Variants in TLE2 observed in about 807,000 individuals in gnomAD.
The protein encoded by TLE2 is transducin-like enhancer protein 2.
In TLE2, 74 loss-of-function variants were observed where a neutral mutation model predicts 97.2. The ratio of observed to expected loss-of-function variants is 0.76; its 90% CI spans 0.63 to 0.92. TLE2 has a LOEUF of 0.92. Among genes scored for constraint, TLE2 ranks in the 40% least tolerant of loss-of-function variants. TLE2 has a pLI of 0.00. For synonymous variants in TLE2, 499 were observed against 432.1 expected, an observed-to-expected ratio of 1.15 and a Z score of -1.92; for missense variants, 1,038 against 1,008.7, an observed-to-expected ratio of 1.03 and a Z score of -0.39.
intron 19 of TLE2, among the ~76,000 whole-genome samples, chr19:2,999,947 C>T (rs1481594084): frequency 3.4e-5 from 5 of 148,376 alleles, no homozygotes; most frequent in African/African-American, 9.9e-5. Context: ...GCAGGAGAAT[C>T]GATTGAACCC....
At chr19:3,025,813 A>G (rs2089933772) in intron 4 of TLE2, among the ~76,000 whole-genome samples, 1 of 147,638 alleles carries the variant, frequency 6.8e-6, no homozygotes, top group African/African-American at 2.6e-5. Context: ...CCCGCACCCC[A>G]TAAAGGGGGG....
chr19:3,047,227 C>G (rs2090150792), upstream of TLE2, among the ~76,000 whole-genome samples: 2 of 133,506 alleles, frequency 1.5e-5, no homozygotes. Flanking sequence ...GCCCATTAGC[C>G]GATCAATTAG....
intron 12 of TLE2, 120 bp downstream of exon 12, chr19:3,010,902 G>C (rs1211231964): frequency 7.3e-7 from 1 of 1,369,916 alleles, no homozygotes. Flanking sequence ...GTCACAAAAA[G>C]GACCAAGGCA....
At chr19:3,043,624 C>T (rs2090120776) in intron 1 of TLE2, among the ~76,000 whole-genome samples, 2 of 147,084 alleles carry the variant, frequency 1.4e-5, no homozygotes, top group African/African-American at 5.2e-5. Flanking sequence ...ATGGTGAAAC[C>T]CCGTCTCTAC....
upstream of TLE2, chr19:3,029,561 G>GGAGA (rs1050241432): frequency 2.5e-6 from 2 of 812,998 alleles, no homozygotes; most frequent in African/African-American, 4.1e-5. Flanking sequence ...GTGGGAGCGG[G>GGAGA]GGGGGGGGCT....
chr19:3,030,206 G>A (rs182843267), upstream of TLE2, among the ~76,000 whole-genome samples: 7 of 152,278 alleles, frequency 4.6e-5, no homozygotes, highest in South Asian at 4.1e-4. Context: ...CCAGTGGACT[G>A]GGCTGTCTCC....
At position 3,015,662 on chromosome 19, in the gene TLE2, T is replaced by G. The variant is rs1410534723; in HGVS notation, c.669A>C (p.Ser223=). 1.9e-6 allele frequency: 3 copies of G among 1,608,194 alleles called. No homozygotes were observed. The South Asian group carries it at 3.3e-5, about 18-fold the overall frequency. Residue 223 remains serine, a synonymous_variant, in exon 9 of 20, where the codon TCA becomes TCC. Transcript: ENST00000262953. ...ACCTGCCCCCACTCACATAAGGTCC[T>G]GATGGCTCCTTCTCATCTGCTCTCT... The part of the protein sequence containing the change: ...GKQRADEKEP[S]GPYESDEDKS...
intron 14 of TLE2, 123 bp from the exon 15 acceptor site, chr19:3,006,792 T>C (rs529410812): frequency 5.0e-4 from 706 of 1,404,452 alleles, no homozygotes; most frequent in Non-Finnish European, 6.4e-4. Context: ...ATTTTTTGTT[T>C]TGTTTTTTGA....
rs1396247740 is a variant in TLE2, at chr19:3,009,609, C to T, written c.1106G>A (p.Ser369Asn). 1.2e-6 allele frequency: 2 copies of T among 1,613,274 alleles called. No homozygotes were observed. Among genetic ancestry groups the T allele is most frequent in the Non-Finnish European group, 1.7e-6 (2 of 1,179,708 alleles). The change falls in exon 13 of 20, where the codon AGC becomes AAC. Residue 369 changes from serine (S) to asparagine (N), a missense_variant. By Grantham distance (46) the Ser-to-Asn change is conservative. Transcript: ENST00000262953. The part of the protein sequence containing the change: ...STLNGDLSVP[S>N]SYVSLHLSPQ... ...GGACAGGTGGAGGCTGACGTAGGAG[C>T]TGGGCACGGAGAGGTCTCCGTTGAG...
Position 3,008,439 on chromosome 19 carries a change from A to G in TLE2, c.1250+430T>C, listed in dbSNP as rs115401915. ...GAACTCTGAGTAGCTTATGCAAGAG[A>G]CTTTTTTTCTTTTTTCTTTTTTTTT... On this transcript the variant is annotated intron_variant, in intron 14 of 19. Transcript: ENST00000262953. Among the ~76,000 whole-genome samples the G allele has an allele frequency of 5.2e-3, 776 of 148,472 alleles. 7 individuals are homozygous for G. Among genetic ancestry groups the G allele is most frequent in the African/African-American group, 0.018 (731 of 40,438 alleles).
At chr19:3,025,157 C>T in intron 4 of TLE2, 75 bp from the exon 5 acceptor site, 1 of 1,419,226 alleles carries the variant, frequency 7.0e-7, no homozygotes, top group Non-Finnish European at 9.5e-7. Flanking sequence ...CCAGGCGGAC[C>T]AGGTGTTGGC....
chr19:3,042,759 A>C (rs1035764035), intron 1 of TLE2, among the ~76,000 whole-genome samples: 1 of 152,160 alleles, frequency 6.6e-6, no homozygotes, highest in Non-Finnish European at 1.5e-5. Flanking sequence ...CTCATTAAGC[A>C]CCAAACAGTT....
chr19:3,028,826 G>C, intron 1 of TLE2, 23 bp from the exon 2 acceptor site: 1 of 1,612,172 alleles, frequency 6.2e-7, no homozygotes, highest in Non-Finnish European at 8.5e-7. Context: ...TGGGGGAAAC[G>C]TCAGGGTCTG....
chr19:3,034,611 C>T (rs961221425), intron 1 of TLE2, among the ~76,000 whole-genome samples: 1 of 151,690 alleles, frequency 6.6e-6, no homozygotes, highest in Non-Finnish European at 1.5e-5. Context: ...AGGCCCAACC[C>T]AAAAACTGTC....
intron 17 of TLE2, 128 bp downstream of exon 17, chr19:3,005,309 A>T: frequency 7.7e-7 from 1 of 1,297,482 alleles, no homozygotes; most frequent in Admixed American, 2.7e-5. Flanking sequence ...GGGGACAAGA[A>T]AGATGGACAC....
At chr19:3,002,233 G>C in intron 18 of TLE2, 120 bp downstream of exon 18, 1 of 1,251,792 alleles carries the variant, frequency 8.0e-7, no homozygotes, top group Non-Finnish European at 1.1e-6. Context: ...TTGCTTTTGA[G>C]TATATAAAAC....
In TLE2 at chr19:3,009,632, G is replaced by A. The variant is rs1025798872; in HGVS notation, c.1083C>T (p.Leu361=). 4 of 1,613,320 alleles carry A rather than the reference G, an allele frequency of 2.5e-6. No homozygotes were observed. In the South Asian group the frequency reaches 3.3e-5, roughly 13 times the overall value. Residue 361 remains leucine (L), a synonymous_variant, in exon 13 of 20, where the codon CTC becomes CTT. Coordinates refer to ENST00000262953, the MANE Select transcript of TLE2 (RefSeq NM_003260.5). ...AGCTGGGCACGGAGAGGTCTCCGTT[G>A]AGAGTGCTGTGGGAGCCCAGGCTGA... ...TSFSLGSHST[L]NGDLSVPSSY...
rs1365345233 is a variant in TLE2 at position 2,997,886 on chromosome 19, C to T, written c.2194G>A (p.Gly732Arg). ...TCATACACGGTGGCCTTCTTGTCCC[C>T]CGAGCCTGTCACGATGTATTTGTTA... ...RNNKYIVTGS[G>R]DKKATVYEVV... The change falls in exon 20 of 20, where the codon GGG becomes AGG. Residue 732 changes from glycine to arginine, a missense_variant. By Grantham distance (125) the Gly-to-Arg change is moderately radical. Coordinates refer to ENST00000262953, the MANE Select transcript of TLE2 (RefSeq NM_003260.5). 3 of 1,612,486 alleles carry T rather than the reference C, an allele frequency of 1.9e-6. No individual in the cohort carries two copies. The highest frequency in any genetic ancestry group is 1.7e-5 in the Admixed American group (1 of 59,790).
intron 5 of TLE2, among the ~76,000 whole-genome samples, chr19:3,021,925 G>A (rs1242242900): frequency 6.6e-6 from 1 of 152,086 alleles, no homozygotes; most frequent in Non-Finnish European, 1.5e-5. Context: ...TAGATTTCAG[G>A]TCGGGCGCAG....
Sources: gnomAD v4.1 joint callset for allele counts (sites outside exome capture counted in the v4.1 genomes callset) on GRCh38, gnomAD v4.1.1 for gene constraint, MANE v1.5 for transcripts, NCBI Gene and HGNC (gene_info 2026-07-23, HGNC 2026-07-21) for gene names.